The following KIF4A variants were observed in gnomAD, a reference collection of about 807,000 sequenced individuals.
KIF4A encodes the protein kinesin family member 4A, also known as chromosome-associated kinesin KIF4A.
KIF4A carries 7 observed loss-of-function variants against 105.9 expected under a neutral mutation model. The observed-to-expected ratio is 0.07, with a 90% CI of 0.04 to 0.12. The LOEUF (loss-of-function observed/expected upper bound fraction) is 0.12, where lower values mean the gene tolerates loss of function less well. Among genes scored for constraint, KIF4A ranks in the 10% least tolerant of loss-of-function variants. KIF4A has a pLI of 1.00. For missense variants in KIF4A, 558 were observed against 929.2 expected, an observed-to-expected ratio of 0.60 and a Z score of 5.19; for synonymous variants, 281 against 331.3, an observed-to-expected ratio of 0.85 and a Z score of 1.65.
chrX:70,419,742 T>C lies in KIF4A; in HGVS notation c.3454T>C (p.Leu1152=). The C allele has an allele frequency of 8.3e-7, 1 of 1,211,083 alleles. No individual in the cohort carries two copies. Among genetic ancestry groups the C allele is most frequent in the Non-Finnish European group, 1.1e-6 (1 of 895,387 alleles). ...GGATCCTACCGAGGTGACCCCAGGA[T>C]TGAGCTTCTTTAATCCCGTCTGTGC... ...LEDPTEVTPG[L]SFFNPVCATP... The change falls in exon 30 of 31, where the codon TTG becomes CTG. Residue 1152 remains leucine, a synonymous_variant. Coordinates refer to ENST00000374403, the MANE Select transcript of KIF4A (RefSeq NM_012310.5).
intron 18 of KIF4A, among the ~76,000 whole-genome samples, chrX:70,384,505 G>A (rs1041278855): frequency 4.5e-5 from 5 of 110,344 alleles, no homozygotes; most frequent in South Asian, 3.9e-4. Context: ...GGTGGATCAC[G>A]AGGTCAGGAG....
At chrX:70,376,263 G>A (rs771348781) in intron 18 of KIF4A, 53 bp downstream of exon 18, 92 of 683,448 alleles carry the variant, frequency 1.3e-4, no homozygotes, top group Non-Finnish European at 2.0e-4. Flanking sequence ...TCTCTGAGCT[G>A]ACTAACAATT....
chrX:70,393,003 CT>C (rs2086243817), intron 20 of KIF4A, among the ~76,000 whole-genome samples: 1 of 105,959 alleles, frequency 9.4e-6, no homozygotes. Context: ...TTTTGGTCTT[CT>C]TTTTTTACTT....
intron 3 of KIF4A, among the ~76,000 whole-genome samples, chrX:70,295,239 G>A (rs1006076955): frequency 1.8e-5 from 2 of 111,136 alleles, no homozygotes; most frequent in African/African-American, 6.6e-5. Flanking sequence ...GCAGTGGTGC[G>A]ATCTCGGTTC....
At chrX:70,377,500 T>C (rs1051242938) in intron 18 of KIF4A, among the ~76,000 whole-genome samples, 9 of 112,502 alleles carry the variant, frequency 8.0e-5, no homozygotes, top group Non-Finnish European at 1.7e-4. Context: ...TTATGTAATA[T>C]GCTAGATTAC....
chrX:70,333,756 T>C, intron 10 of KIF4A, 67 bp downstream of exon 10: 1 of 797,813 alleles, frequency 1.3e-6, no homozygotes, highest in Non-Finnish European at 1.9e-6. Context: ...TAATAGTTTT[T>C]CCCTGGTTTC....
At chrX:70,308,606 T>TTTTTG (rs1216697531) in intron 7 of KIF4A, among the ~76,000 whole-genome samples, 4 of 112,169 alleles carry the variant, frequency 3.6e-5, no homozygotes, top group African/African-American at 1.3e-4. Flanking sequence ...CAACTTAGAT[T>TTTTTG]TTTTGTTTTG....
In KIF4A at chrX:70,290,566, C is replaced by T. The variant is rs1462493790; in HGVS notation, c.108C>T (p.Pro36=). Residue 36 remains proline, a synonymous_variant, in exon 2 of 31, where the codon CCC becomes CCT. Transcript: ENST00000374403. ...GCCAGATGTGCCTTTCCTTCGTGCC[C>T]GGAGAGCCTCAGGTGCGTAGCAGAG... The part of the protein sequence containing the change: ...EGCQMCLSFV[P]GEPQVVVGTD... 8.3e-7 allele frequency: 1 copy of T among 1,211,228 alleles called. No individual in the cohort carries two copies. Among genetic ancestry groups the T allele is most frequent in the Admixed American group, 2.2e-5 (1 of 46,036 alleles).
chrX:70,412,557 T>C (rs55754593), intron 28 of KIF4A, among the ~76,000 whole-genome samples: 6,538 of 111,511 alleles, frequency 0.059, 190 homozygotes, highest in South Asian at 0.12. Context: ...TAGAACTCCA[T>C]CTTTCATCCT....
intron 29 of KIF4A, among the ~76,000 whole-genome samples, 188 bp from the exon 30 acceptor site, chrX:70,419,473 A>G (rs2086357867): frequency 8.9e-6 from 1 of 112,065 alleles, no homozygotes; most frequent in Admixed American, 9.5e-5. Flanking sequence ...ACCTACAGGC[A>G]TTGCTCCATT....
At chrX:70,333,478 C>CCTTT in intron 9 of KIF4A, 150 bp from the exon 10 acceptor site, 1 of 434,743 alleles carries the variant, frequency 2.3e-6, no homozygotes, top group Non-Finnish European at 4.1e-6. Flanking sequence ...ATGTATGATG[C>CCTTT]CTTTGGTAGT....
chrX:70,357,153 A>T (rs1009747419), intron 15 of KIF4A, among the ~76,000 whole-genome samples: 20 of 111,144 alleles, frequency 1.8e-4, no homozygotes, highest in African/African-American at 6.5e-4. Context: ...TCTCTACTAA[A>T]AATACAAAAA....
intron 28 of KIF4A, among the ~76,000 whole-genome samples, chrX:70,416,009 A>G (rs1041025046): frequency 9.2e-6 from 1 of 108,193 alleles, no homozygotes; most frequent in African/African-American, 3.4e-5. Flanking sequence ...CTGGGATTAC[A>G]GGCATGCGCT....
intron 15 of KIF4A, among the ~76,000 whole-genome samples, chrX:70,367,930 C>A (rs941918699): frequency 3.6e-5 from 4 of 112,062 alleles, no homozygotes; most frequent in African/African-American, 1.3e-4. Context: ...TCCCATATTT[C>A]TTGGAGGCTT....
intron 15 of KIF4A, chrX:70,361,569 G>A: frequency 5.9e-6 from 1 of 168,078 alleles, no homozygotes; most frequent in Non-Finnish European, 1.3e-5. Context: ...TTGTCTCGAA[G>A]AGCTGTGTTG....
intron 7 of KIF4A, among the ~76,000 whole-genome samples, chrX:70,314,527 G>A (rs1186500629): frequency 9.0e-6 from 1 of 111,522 alleles, no homozygotes; most frequent in Non-Finnish European, 1.9e-5. Flanking sequence ...GAAAGATTTT[G>A]GACATGTCAG....
chrX:70,394,826 A>AT (rs1201844193), intron 20 of KIF4A, among the ~76,000 whole-genome samples: 16 of 111,901 alleles, frequency 1.4e-4, no homozygotes, highest in African/African-American at 4.9e-4. Flanking sequence ...CCCTAGTTTT[A>AT]TTTTTTGATA....
intron 7 of KIF4A, among the ~76,000 whole-genome samples, chrX:70,304,787 G>T (rs1476255019): frequency 9.3e-6 from 1 of 107,206 alleles, no homozygotes; most frequent in Non-Finnish European, 1.9e-5. Context: ...GCCTCCCATA[G>T]CTGGGGTTAC....
chrX:70,346,227 A>G (rs1400819437), intron 13 of KIF4A, among the ~76,000 whole-genome samples: 2 of 112,317 alleles, frequency 1.8e-5, no homozygotes, highest in African/African-American at 6.5e-5. Context: ...CTTGTTAGAC[A>G]ACGGCTATCA....
Sources: allele counts gnomAD v4.1 joint callset (sites outside exome capture counted in the v4.1 genomes callset), GRCh38; gene constraint gnomAD v4.1.1; transcripts MANE v1.5; gene names NCBI Gene and HGNC (gene_info 2026-07-23, HGNC 2026-07-21).